The following FAM135B variants were observed in gnomAD, a reference collection of about 807,000 sequenced individuals.
FAM135B encodes protein FAM135B.
In FAM135B, 43 loss-of-function variants were observed where a neutral mutation model predicts 127.7. The ratio of observed to expected loss-of-function variants is 0.34; its 90% confidence interval spans 0.26 to 0.43. The LOEUF (loss-of-function observed/expected upper bound fraction) is 0.43, where lower values mean the gene tolerates loss of function less well. Among genes scored for constraint, FAM135B ranks in the 20% least tolerant of loss-of-function variants. FAM135B has a pLI of 1.00. For missense variants in FAM135B, 1,558 were observed against 1,725.6 expected (o/e 0.90, Z 1.72); for synonymous variants, 670 against 665.1 (o/e 1.01, Z -0.11).
At chr8:138,445,690 C>T (rs1360973112) in intron 1 of FAM135B, among the ~76,000 whole-genome samples, 2 of 152,176 alleles carry the variant, frequency 1.3e-5, no homozygotes, top group Non-Finnish European at 2.9e-5. Context: ...AACCCACGGC[C>T]AATATCATAC....
At chr8:138,197,366 T>C in intron 8 of FAM135B, 150 bp downstream of exon 8, 1 of 875,342 alleles carries the variant, frequency 1.1e-6, no homozygotes. Context: ...GATCCTCTCC[T>C]GGTAGAATAA....
chr8:138,319,634 T>C (rs537698264), intron 2 of FAM135B, among the ~76,000 whole-genome samples: 23 of 152,316 alleles, frequency 1.5e-4, no homozygotes, highest in African/African-American at 5.3e-4. Flanking sequence ...CCTTCTGGGA[T>C]ATAGTAACAA....
At chr8:138,370,154 C>T (rs963898699) in intron 1 of FAM135B, among the ~76,000 whole-genome samples, 1 of 152,162 alleles carries the variant, frequency 6.6e-6, no homozygotes, top group East Asian at 1.9e-4. Flanking sequence ...TTTCCATCTC[C>T]TGCACTTACT....
At chr8:138,189,787 G>A (rs1815946519) in intron 9 of FAM135B, among the ~76,000 whole-genome samples, 1 of 152,192 alleles carries the variant, frequency 6.6e-6, no homozygotes, top group Non-Finnish European at 1.5e-5. Flanking sequence ...CCACGAAGGG[G>A]TTAGGGAAAA....
intron 1 of FAM135B, chr8:138,438,813 T>C (rs1029190416): frequency 1.3e-5 from 2 of 151,762 alleles, no homozygotes; most frequent in Non-Finnish European, 2.9e-5. Context: ...TTTAATAATA[T>C]GTAGCAAGGA....
intron 9 of FAM135B, among the ~76,000 whole-genome samples, chr8:138,189,753 C>T (rs993304423): frequency 2.0e-5 from 3 of 152,180 alleles, no homozygotes; most frequent in Non-Finnish European, 4.4e-5. Flanking sequence ...CAGCTAGCTC[C>T]AGTGCCTACG....
At chr8:138,185,099 C>A (rs1042902294) in intron 9 of FAM135B, among the ~76,000 whole-genome samples, 2 of 152,090 alleles carry the variant, frequency 1.3e-5, no homozygotes, top group East Asian at 3.9e-4. Flanking sequence ...CCCTGACCTG[C>A]GGGACAGGGA....
chr8:138,491,202 A>C (rs570055437), intron 1 of FAM135B, among the ~76,000 whole-genome samples: 1 of 152,024 alleles, frequency 6.6e-6, no homozygotes, highest in Non-Finnish European at 1.5e-5. Flanking sequence ...TATTTCCTAT[A>C]TCACAAAGCC....
chr8:138,227,714 CT>C (rs761660500), intron 7 of FAM135B, among the ~76,000 whole-genome samples: 4,505 of 81,866 alleles, frequency 0.055, 126 homozygotes, highest in African/African-American at 0.096. Flanking sequence ...TTTTGTCTCT[CT>C]TTTTTTTTTT....
At position 138,242,536 on chromosome 8, in the gene FAM135B, G is replaced by T. The variant is rs549295018; in HGVS notation, c.669+406C>A. 3.9e-5 allele frequency among the ~76,000 whole-genome samples: 6 copies of T among 152,210 alleles called. No individual in the cohort carries two copies. The South Asian group carries it at 1.2e-3, about 32-fold the overall frequency. On this transcript the variant is annotated intron_variant, in intron 7 of 19. Coordinates refer to ENST00000395297, the MANE Select transcript of FAM135B (RefSeq NM_015912.4). This position sits in a 1 kb window ranked among gnomAD's most constrained non-coding sequence, Gnocchi z 9.6. ...CCATGAGATTATTAGCTATTGGGGA[G>T]CCCACTCTACAGGTGGGAAAACTGA... is the stretch of plus-strand genomic sequence containing the variant.
chr8:138,327,685 G>A (rs1403112152), intron 2 of FAM135B, among the ~76,000 whole-genome samples: 1 of 152,184 alleles, frequency 6.6e-6, no homozygotes, highest in African/African-American at 2.4e-5. Flanking sequence ...AACACAAGAA[G>A]GAATGATGGA....
chr8:138,487,958 C>T (rs1044346509), intron 1 of FAM135B, among the ~76,000 whole-genome samples: 1 of 151,824 alleles, frequency 6.6e-6, no homozygotes, highest in Non-Finnish European at 1.5e-5. Context: ...GAGCTGAGAT[C>T]GCACCACTGC....
In FAM135B at chr8:138,180,372, G is replaced by A. The variant is rs986048871; in HGVS notation, c.874-1682C>T. Among the ~76,000 whole-genome samples, 6 of 152,180 alleles carry A rather than the reference G, an allele frequency of 3.9e-5. No individual in the cohort carries two copies. In the East Asian group the frequency reaches 9.6e-4, roughly 24 times the overall value. On this transcript the variant is annotated intron_variant, in intron 9 of 19. Transcript: ENST00000395297. ...GTGAGTTAACAATTAAAAGTGCCGC[G>A]GAGCTTTCTACTATGCACAATAGAC...
At chr8:138,448,296 G>A (rs1836308385) in intron 1 of FAM135B, among the ~76,000 whole-genome samples, 1 of 152,064 alleles carries the variant, frequency 6.6e-6, no homozygotes, top group Non-Finnish European at 1.5e-5. Context: ...GGTGGACTGA[G>A]TAAAGCAGAT....
chr8:138,294,158 T>C (rs1425366713), intron 3 of FAM135B, among the ~76,000 whole-genome samples: 1 of 152,126 alleles, frequency 6.6e-6, no homozygotes. Flanking sequence ...GAAAACCAAA[T>C]ACTGTATGTT....
chr8:138,303,977 T>A (rs1475103544), intron 3 of FAM135B, among the ~76,000 whole-genome samples: 1 of 152,224 alleles, frequency 6.6e-6, no homozygotes, highest in Non-Finnish European at 1.5e-5. Context: ...TGCTATACTA[T>A]TTTTAGCAGC....
At chr8:138,276,036 C>A (rs1376689508) in intron 3 of FAM135B, among the ~76,000 whole-genome samples, 1 of 152,132 alleles carries the variant, frequency 6.6e-6, no homozygotes, top group Non-Finnish European at 1.5e-5. Flanking sequence ...CTCATGATGA[C>A]CCAGAGTCCA....
At chr8:138,318,973 C>T (rs1002634795) in intron 2 of FAM135B, among the ~76,000 whole-genome samples, 10 of 152,052 alleles carry the variant, frequency 6.6e-5, no homozygotes, top group Non-Finnish European at 8.8e-5. Flanking sequence ...CTGTTTGATC[C>T]CCATAGGATG....
chr8:138,254,701 C>T (rs749562937), intron 5 of FAM135B, among the ~76,000 whole-genome samples: 36 of 152,118 alleles, frequency 2.4e-4, no homozygotes, highest in Non-Finnish European at 4.0e-4. Flanking sequence ...AAGGAGAAAG[C>T]AGATGTAATG....
Sources: gnomAD v4.1 joint callset for allele counts (sites outside exome capture counted in the v4.1 genomes callset) on GRCh38, gnomAD v4.1.1 for gene constraint, Gnocchi (gnomAD v3.1) non-coding constraint, MANE v1.5 for transcripts, NCBI Gene and HGNC (gene_info 2026-07-23, HGNC 2026-07-21) for gene names.